NDST4: variants seen among roughly 807,000 people sequenced by gnomAD.
NDST4 encodes the protein N-heparan sulfate sulfotransferase 4.
In NDST4, 63 loss-of-function variants were observed where a neutral mutation model predicts 100.8. The ratio of observed to expected loss-of-function variants is 0.62; its 90% CI spans 0.51 to 0.77. The LOEUF (loss-of-function observed/expected upper bound fraction) is 0.77, where lower values mean the gene tolerates loss of function less well. Ranked by LOEUF, NDST4 falls within the 30% of genes least tolerant of loss-of-function variation. NDST4 has a pLI of 0.00. For missense variants in NDST4, 943 were observed against 1,018.4 expected, an observed-to-expected ratio of 0.93 and a Z score of 1.01; for synonymous variants, 377 against 361.8, an observed-to-expected ratio of 1.04 and a Z score of -0.48.
intron 6 of NDST4, among the ~76,000 whole-genome samples, chr4:114,921,833 C>G (rs981231351): frequency 1.3e-5 from 2 of 151,906 alleles, no homozygotes; most frequent in Middle Eastern, 3.2e-3. Flanking sequence ...TTCTTTTTCC[C>G]CCTTCATTTC....
intron 2 of NDST4, among the ~76,000 whole-genome samples, chr4:115,002,366 G>A (rs990025401): frequency 2.0e-5 from 3 of 152,060 alleles, no homozygotes; most frequent in Non-Finnish European, 4.4e-5. Flanking sequence ...TTATAAATTT[G>A]TTTAAGTTCC....
chr4:114,929,098 A>G (rs1425108926), intron 6 of NDST4, among the ~76,000 whole-genome samples: 2 of 125,584 alleles, frequency 1.6e-5, no homozygotes, highest in East Asian at 2.5e-4. Context: ...CCATCCATCC[A>G]TCCATCCATC....
chr4:114,838,584 C>T lies in NDST4; in HGVS notation c.2286+794G>A, dbSNP rs543811216. On this transcript the variant is annotated intron_variant, in intron 11 of 13. Transcript: ENST00000264363. ...AACACAGGAACAGAAAACCAAATTC[C>T]GCATGTTCTCACTCATAAGTGGGAG... Among the ~76,000 whole-genome samples the T allele has an allele frequency of 6.6e-4, 101 of 152,190 alleles. 1 individual carries two copies. Among genetic ancestry groups the T allele is most frequent in the Non-Finnish European group, 2.4e-4 (16 of 68,022 alleles).
At chr4:115,030,946 A>C (rs28472632) in intron 2 of NDST4, among the ~76,000 whole-genome samples, 8,143 of 152,152 alleles carry the variant, frequency 0.054, 650 homozygotes, top group African/African-American at 0.17. Context: ...CCTGTAAACA[A>C]CTGTAGCCAA....
At chr4:114,963,275 T>A (rs1056374402) in intron 4 of NDST4, among the ~76,000 whole-genome samples, 2 of 152,154 alleles carry the variant, frequency 1.3e-5, no homozygotes, top group Non-Finnish European at 2.9e-5. Context: ...TACTGATATA[T>A]GTTACAATGT....
chr4:115,069,542 A>G (rs1462185093), intron 2 of NDST4, among the ~76,000 whole-genome samples: 1 of 152,224 alleles, frequency 6.6e-6, no homozygotes, highest in African/African-American at 2.4e-5. Context: ...GCCAACAAGC[A>G]TATGGAAAAA....
chr4:114,945,430 C>G (rs954870635), intron 4 of NDST4, among the ~76,000 whole-genome samples: 7 of 151,960 alleles, frequency 4.6e-5, no homozygotes, highest in Non-Finnish European at 7.4e-5. Flanking sequence ...GTAAAACCAG[C>G]CCACAATATA....
intron 2 of NDST4, among the ~76,000 whole-genome samples, chr4:115,073,090 G>GAAAT (rs1729110018): frequency 6.6e-6 from 1 of 151,930 alleles, no homozygotes; most frequent in Admixed American, 6.6e-5. Context: ...AACTATCAGG[G>GAAAT]AAATGCGTGT....
At chr4:115,016,352 A>G (rs1727676367) in intron 2 of NDST4, among the ~76,000 whole-genome samples, 1 of 152,108 alleles carries the variant, frequency 6.6e-6, no homozygotes, top group Non-Finnish European at 1.5e-5. Flanking sequence ...CATAGACAGA[A>G]TTCATGGGTC....
chr4:114,944,489 T>A (rs1725817564), intron 4 of NDST4, among the ~76,000 whole-genome samples: 1 of 152,216 alleles, frequency 6.6e-6, no homozygotes, highest in Non-Finnish European at 1.5e-5. Context: ...TATACCCTAC[T>A]TATTCCTTTG....
chr4:115,043,396 T>A (rs1228334096), intron 2 of NDST4, among the ~76,000 whole-genome samples: 2 of 152,114 alleles, frequency 1.3e-5, no homozygotes, highest in African/African-American at 4.8e-5. Flanking sequence ...TACTCTCATA[T>A]GTTTATCCAG....
intron 6 of NDST4, among the ~76,000 whole-genome samples, chr4:114,909,456 C>G (rs1467827184): frequency 2.7e-5 from 4 of 150,698 alleles, no homozygotes; most frequent in Admixed American, 6.6e-5. Flanking sequence ...GTCAGGAGAT[C>G]GAGACCATCC....
At chr4:114,906,747 A>T (rs144196328) in intron 6 of NDST4, among the ~76,000 whole-genome samples, 2 of 152,056 alleles carry the variant, frequency 1.3e-5, no homozygotes, top group East Asian at 1.9e-4. Flanking sequence ...ACATATGAAG[A>T]TATATTTATA....
chr4:114,976,361 C>T (rs1726633768), intron 3 of NDST4, among the ~76,000 whole-genome samples: 1 of 151,982 alleles, frequency 6.6e-6, no homozygotes, highest in Non-Finnish European at 1.5e-5. Flanking sequence ...AGGTATTCCC[C>T]TAACACAGGC....
chr4:114,918,956 T>G (rs1725234334), intron 6 of NDST4, among the ~76,000 whole-genome samples: 1 of 152,206 alleles, frequency 6.6e-6, no homozygotes, highest in Non-Finnish European at 1.5e-5. Context: ...TCTCCATTTT[T>G]CCTCCACAGA....
chr4:115,016,705 A>G (rs1323931979), intron 2 of NDST4, among the ~76,000 whole-genome samples: 2 of 152,084 alleles, frequency 1.3e-5, no homozygotes, highest in African/African-American at 4.8e-5. Flanking sequence ...GAGATACCTT[A>G]GGGCATCTTG....
intron 4 of NDST4, among the ~76,000 whole-genome samples, chr4:114,946,430 G>A (rs1725864627): frequency 6.6e-6 from 1 of 152,090 alleles, no homozygotes; most frequent in African/African-American, 2.4e-5. Context: ...AATATAGAGT[G>A]GAATCAAGGG....
intron 2 of NDST4, among the ~76,000 whole-genome samples, chr4:115,002,308 T>C (rs763901043): frequency 2.2e-4 from 33 of 152,148 alleles, no homozygotes; most frequent in South Asian, 1.0e-3. Flanking sequence ...CTTTTGAGAA[T>C]TGTCTGTTCA....
chr4:114,955,477 A>G (rs1382353376), intron 4 of NDST4, among the ~76,000 whole-genome samples: 1 of 152,172 alleles, frequency 6.6e-6, no homozygotes, highest in African/African-American at 2.4e-5. Flanking sequence ...ACAAAATGTG[A>G]CAGAATCTAA....
Sources: allele counts gnomAD v4.1 joint callset (sites outside exome capture counted in the v4.1 genomes callset), GRCh38; gene constraint gnomAD v4.1.1; transcripts MANE v1.5; gene names NCBI Gene and HGNC (gene_info 2026-07-23, HGNC 2026-07-21).